The following SLC44A1 variants were observed in gnomAD, a reference collection of about 807,000 sequenced individuals.
SLC44A1 encodes the protein choline transporter-like protein 1.
Under a neutral mutation model 79.3 loss-of-function variants are expected in SLC44A1, and 26 were observed. The observed-to-expected ratio is 0.33, with a 90% CI of 0.24 to 0.46. The LOEUF (loss-of-function observed/expected upper bound fraction) is 0.46, where lower values mean the gene tolerates loss of function less well. Ranked by LOEUF, SLC44A1 falls within the 20% of genes least tolerant of loss-of-function variation. The pLI is 1.00. For synonymous variants in SLC44A1, 263 were observed against 286.2 expected, an observed-to-expected ratio of 0.92 and a Z score of 0.82; for missense variants, 688 against 798.1, an observed-to-expected ratio of 0.86 and a Z score of 1.66.
chr9:105,376,036 T>C, intron 13 of SLC44A1, among the ~76,000 whole-genome samples: 1 of 152,306 alleles, frequency 6.6e-6, no homozygotes, highest in South Asian at 2.1e-4. Flanking sequence ...TATTCATTAT[T>C]ACCATGGTAA....
chr9:105,317,372 C>G (rs1831355889), intron 3 of SLC44A1, among the ~76,000 whole-genome samples: 1 of 152,056 alleles, frequency 6.6e-6, no homozygotes, highest in Non-Finnish European at 1.5e-5. Context: ...AAGATGCTAA[C>G]TAAATTTTCA....
At chr9:105,251,082 C>T (rs1039392252) in intron 1 of SLC44A1, among the ~76,000 whole-genome samples, 1 of 152,168 alleles carries the variant, frequency 6.6e-6, no homozygotes, top group Non-Finnish European at 1.5e-5. Context: ...AGTTCCCAAA[C>T]TAAATTACTG....
intron 15 of SLC44A1, among the ~76,000 whole-genome samples, chr9:105,406,768 A>T (rs1208918905): frequency 6.6e-6 from 1 of 152,152 alleles, no homozygotes; most frequent in African/African-American, 2.4e-5. Context: ...TTAAAAAGAA[A>T]CTGTCTTTGA....
At chr9:105,438,348 T>G in exon 16 of SLC44A1, 1 of 1,444,284 alleles carries the variant, frequency 6.9e-7, no homozygotes. Context: ...TTACATGAGG[T>G]TCTCCCACTC....
chr9:105,315,295 G>A (rs1333949531), intron 3 of SLC44A1, among the ~76,000 whole-genome samples: 1 of 137,448 alleles, frequency 7.3e-6, no homozygotes, highest in Non-Finnish European at 1.6e-5. Context: ...TTTACCATTT[G>A]TATGTTTTCA....
chr9:105,353,831 A>T (rs1827528030), intron 5 of SLC44A1, among the ~76,000 whole-genome samples: 1 of 152,190 alleles, frequency 6.6e-6, no homozygotes, highest in Admixed American at 6.5e-5. Flanking sequence ...ATAGATAATC[A>T]TGAAACAGAG....
At chr9:105,295,625 TA>T (rs1830703282) in intron 1 of SLC44A1, among the ~76,000 whole-genome samples, 1 of 152,234 alleles carries the variant, frequency 6.6e-6, no homozygotes, top group South Asian at 2.1e-4. Context: ...CAACAGGATT[TA>T]AAATTATTGA....
chr9:105,377,804 G>A (rs1828339561), intron 13 of SLC44A1, among the ~76,000 whole-genome samples: 1 of 151,734 alleles, frequency 6.6e-6, no homozygotes, highest in Non-Finnish European at 1.5e-5. Flanking sequence ...AAAACACAAT[G>A]TTCTAAAATT....
Position 105,395,671 on chromosome 9 carries a change from C to T in SLC44A1, c.*6615C>T, listed in dbSNP as rs1237366535. On this transcript the variant is annotated 3_prime_UTR_variant, in exon 16 of 16. Coordinates refer to ENST00000374720, the MANE Select transcript of SLC44A1 (RefSeq NM_080546.5). Reference sequence around the variant, plus strand: ...AAGTGTAAGACTTAAAGGGAATATTCTGACCTTCGTGTATGAATCTGATCC... The same window carrying T: ...AAGTGTAAGACTTAAAGGGAATATTTTGACCTTCGTGTATGAATCTGATCC... The T allele has an allele frequency of 1.0e-6, 1 of 985,226 alleles. No homozygotes were observed. The highest frequency in any genetic ancestry group is 1.7e-5 in the African/African-American group (1 of 57,212). 61.0% of individuals were successfully genotyped at this position (985,226 alleles called of 1,614,324 possible).
intron 2 of SLC44A1, among the ~76,000 whole-genome samples, chr9:105,301,316 G>C (rs1830873398): frequency 6.6e-6 from 1 of 152,156 alleles, no homozygotes; most frequent in African/African-American, 2.4e-5. Flanking sequence ...TTAATGCAAT[G>C]GTAATTAATA....
chr9:105,285,317 G>A (rs951146610), intron 1 of SLC44A1, among the ~76,000 whole-genome samples: 4 of 152,112 alleles, frequency 2.6e-5, no homozygotes, highest in African/African-American at 9.7e-5. Flanking sequence ...ATCACTGCAG[G>A]TGTTTTCTTC....
At chr9:105,326,674 A>G (rs1826587638) in intron 3 of SLC44A1, among the ~76,000 whole-genome samples, 1 of 152,314 alleles carries the variant, frequency 6.6e-6, no homozygotes, top group Middle Eastern at 3.4e-3. Flanking sequence ...ATACATATGG[A>G]TTTGCACATC....
chr9:105,383,095 A>G (rs1828521204), intron 13 of SLC44A1, 28 bp from the exon 14 acceptor site: 1 of 1,506,698 alleles, frequency 6.6e-7, no homozygotes, highest in Admixed American at 1.7e-5. Flanking sequence ...TAGGATATTA[A>G]ATATGATCTT....
chr9:105,299,143 T>C (rs1219998063), intron 1 of SLC44A1, 77 bp from the exon 2 acceptor site: 1 of 973,834 alleles, frequency 1.0e-6, no homozygotes. Flanking sequence ...GCTCTAGCTA[T>C]AGCTGGTGTA....
chr9:105,378,253 A>G (rs1409416560), intron 13 of SLC44A1, among the ~76,000 whole-genome samples: 1 of 152,208 alleles, frequency 6.6e-6, no homozygotes, highest in Non-Finnish European at 1.5e-5. Context: ...TGTCTCAAAA[A>G]CAAAAACAAA....
chr9:105,382,870 T>C (rs1005313737), intron 13 of SLC44A1, among the ~76,000 whole-genome samples: 1 of 152,204 alleles, frequency 6.6e-6, no homozygotes, highest in African/African-American at 2.4e-5. Context: ...GGGTGCAGCA[T>C]AGCATTTGGA....
Position 105,366,552 on chromosome 9 carries a change from G to GATAA in SLC44A1, c.1494+125_1494+128dup, listed in dbSNP as rs1827947981. ...CTTGTGGTATTGTACATTGTGCCTTGATAAAGTATGTCTATTTCAATCATA... is the reference window on the plus strand; with the variant it reads ...CTTGTGGTATTGTACATTGTGCCTTGATAAATAAAGTATGTCTATTTCAATCATA... On this transcript the variant is annotated intron_variant, in intron 12 of 15. Transcript: ENST00000374720. 7 of 436,186 alleles carry GATAA rather than the reference G, an allele frequency of 1.6e-5. No individual in the cohort carries two copies. The South Asian group carries it at 4.3e-4, about 27-fold the overall frequency. The allele number at this position is 436,186 out of a possible 1,614,324, so 27.0% of individuals were successfully genotyped here.
At chr9:105,401,072 C>T (rs1006746643), downstream of SLC44A1, among the ~76,000 whole-genome samples, 1 of 152,098 alleles carries the variant, frequency 6.6e-6, no homozygotes, top group Non-Finnish European at 1.5e-5. Context: ...ATTCAGCATA[C>T]GACAGTCATC....
chr9:105,313,280 A>G (rs1831229729), intron 3 of SLC44A1, among the ~76,000 whole-genome samples: 1 of 152,182 alleles, frequency 6.6e-6, no homozygotes, highest in African/African-American at 2.4e-5. Flanking sequence ...CACTCTAATT[A>G]TATTGTGTGT....
Sources: allele counts gnomAD v4.1 joint callset (sites outside exome capture counted in the v4.1 genomes callset), GRCh38; gene constraint gnomAD v4.1.1; transcripts MANE v1.5; gene names NCBI Gene and HGNC (gene_info 2026-07-23, HGNC 2026-07-21).